DNM3: variants seen among roughly 807,000 people sequenced by gnomAD.
The protein encoded by DNM3 is dynamin 3.
In DNM3, 47 loss-of-function variants were observed where a neutral mutation model predicts 101.6. The observed-to-expected ratio is 0.46, with a 90% confidence interval of 0.37 to 0.59. DNM3 has a LOEUF of 0.59. Ranked by LOEUF, DNM3 falls within the 20% of genes least tolerant of loss-of-function variation. The pLI, the probability that DNM3 is intolerant of heterozygous loss-of-function variation, is 0.00. For synonymous variants in DNM3, 385 were observed against 387.9 expected (o/e 0.99, Z 0.09); for missense variants, 849 against 1,085.7 (o/e 0.78, Z 3.06).
intron 1 of DNM3, among the ~76,000 whole-genome samples, chr1:171,871,051 A>C (rs1409801183): frequency 1.3e-5 from 2 of 152,234 alleles, no homozygotes; most frequent in Non-Finnish European, 2.9e-5. Flanking sequence ...TGTGCTAAAG[A>C]GGCAAGATTC....
chr1:172,253,872 T>C (rs1487233317), intron 15 of DNM3, among the ~76,000 whole-genome samples, 190 bp downstream of exon 15: 5 of 152,138 alleles, frequency 3.3e-5, no homozygotes, highest in African/African-American at 4.8e-5. Context: ...AAACTCAGAC[T>C]AAAAAAGATC....
chr1:171,992,444 G>A (rs1446082241), intron 4 of DNM3, among the ~76,000 whole-genome samples: 1 of 152,004 alleles, frequency 6.6e-6, no homozygotes, highest in Non-Finnish European at 1.5e-5. Flanking sequence ...TGTCAGTCAG[G>A]AGTATGTCAT....
At chr1:172,018,698 G>A (rs2047616577) in intron 4 of DNM3, among the ~76,000 whole-genome samples, 1 of 152,062 alleles carries the variant, frequency 6.6e-6, no homozygotes, top group Non-Finnish European at 1.5e-5. Context: ...TTACATATAA[G>A]CATATGAATA....
chr1:172,197,227 G>A (rs1311107962), intron 14 of DNM3, among the ~76,000 whole-genome samples: 1 of 151,978 alleles, frequency 6.6e-6, no homozygotes, highest in Non-Finnish European at 1.5e-5. Context: ...TAGATGTGTA[G>A]CCTTATTTCC....
chr1:171,972,078 T>C (rs2044034218), intron 2 of DNM3, among the ~76,000 whole-genome samples: 1 of 152,236 alleles, frequency 6.6e-6, no homozygotes, highest in Non-Finnish European at 1.5e-5. Flanking sequence ...CTTGGAATCA[T>C]TCATTCATTT....
intron 2 of DNM3, among the ~76,000 whole-genome samples, chr1:171,961,497 A>G (rs1212185209): frequency 6.6e-6 from 1 of 152,200 alleles, no homozygotes; most frequent in African/African-American, 2.4e-5. Context: ...CATTATTGGT[A>G]GGAATGGAAA....
At chr1:172,169,996 T>G (rs2058892060) in intron 14 of DNM3, among the ~76,000 whole-genome samples, 1 of 151,874 alleles carries the variant, frequency 6.6e-6, no homozygotes, top group Non-Finnish European at 1.5e-5. Flanking sequence ...GTTTATAAAC[T>G]TAGTTGCATT....
intron 14 of DNM3, among the ~76,000 whole-genome samples, chr1:172,230,037 C>A (rs1178460370): frequency 6.6e-6 from 1 of 152,112 alleles, no homozygotes; most frequent in Non-Finnish European, 1.5e-5. Context: ...TTTTTTAATT[C>A]TTTCACTAGG....
At position 172,308,767 on chromosome 1, in the gene DNM3, T is replaced by C. The variant is rs1213456590; in HGVS notation, c.1809T>C (p.Cys603=). 2 of 1,609,230 alleles carry C rather than the reference T, an allele frequency of 1.2e-6. No individual in the cohort carries two copies. Among genetic ancestry groups the C allele is most frequent in the Non-Finnish European group, 1.7e-6 (2 of 1,178,086 alleles). Residue 603 remains cysteine, a synonymous_variant, in exon 16 of 21, where the codon TGT becomes TGC. Transcript: ENST00000627582. ...YKDYRFLELA[C]DSQEDVDSWK... ...ACTATCGCTTCCTTGAGCTGGCATG[T>C]GATTCCCAGGAGGATGTCGACAGCT...
At chr1:171,971,102 T>G (rs2043960354) in intron 2 of DNM3, among the ~76,000 whole-genome samples, 1 of 152,120 alleles carries the variant, frequency 6.6e-6, no homozygotes, top group Non-Finnish European at 1.5e-5. Flanking sequence ...CACTTCTTCA[T>G]AAATGCTTTA....
chr1:172,129,701 T>TTCCCCCATAATTCAGTTACC (rs1377080691), intron 13 of DNM3, among the ~76,000 whole-genome samples: 46 of 152,268 alleles, frequency 3.0e-4, no homozygotes, highest in African/African-American at 1.0e-3. Context: ...AGGAAAGATC[T>TTCCCCCATAATTCAGTTACC]TCCCCCATAA....
chr1:171,951,528 G>A (rs2125455959), intron 2 of DNM3, among the ~76,000 whole-genome samples: 1 of 152,218 alleles, frequency 6.6e-6, no homozygotes, highest in Non-Finnish European at 1.5e-5. Context: ...GTTTTCTCTA[G>A]TGGTCAATGA....
chr1:171,947,494 C>A (rs1175014818), intron 2 of DNM3, among the ~76,000 whole-genome samples: 1 of 151,646 alleles, frequency 6.6e-6, no homozygotes, highest in Non-Finnish European at 1.5e-5. Flanking sequence ...TCATAACAGC[C>A]TGAAAAAATC....
At chr1:172,084,746 C>T (rs975586317) in intron 12 of DNM3, among the ~76,000 whole-genome samples, 11 of 151,956 alleles carry the variant, frequency 7.2e-5, no homozygotes, top group African/African-American at 2.7e-4. Flanking sequence ...AAATTAAGGT[C>T]TGGGGTTGAA....
chr1:172,149,671 T>A (rs1447042223), intron 14 of DNM3, among the ~76,000 whole-genome samples: 1 of 152,158 alleles, frequency 6.6e-6, no homozygotes, highest in Non-Finnish European at 1.5e-5. Flanking sequence ...AATCATGGTG[T>A]CCTCAGGTCA....
At chr1:172,046,828 G>A (rs1014332191) in intron 9 of DNM3, among the ~76,000 whole-genome samples, 3 of 152,152 alleles carry the variant, frequency 2.0e-5, no homozygotes, top group Admixed American at 2.0e-4. Context: ...GATAAATGCA[G>A]TGGAACCAAA....
At chr1:171,879,793 T>A (rs1258755457) in intron 1 of DNM3, among the ~76,000 whole-genome samples, 2 of 152,242 alleles carry the variant, frequency 1.3e-5, no homozygotes, top group Non-Finnish European at 2.9e-5. Flanking sequence ...TTCTGGGATA[T>A]TCTACTTTAG....
chr1:172,157,084 T>A (rs1277735212), intron 14 of DNM3, among the ~76,000 whole-genome samples: 1 of 152,112 alleles, frequency 6.6e-6, no homozygotes, highest in Non-Finnish European at 1.5e-5. Context: ...TTTATTTCTA[T>A]TATTATTCCA....
At chr1:172,039,148 C>T (rs2049175904) in intron 7 of DNM3, among the ~76,000 whole-genome samples, 1 of 152,068 alleles carries the variant, frequency 6.6e-6, no homozygotes, top group South Asian at 2.1e-4. Context: ...TCCTTCAAAT[C>T]CTTCTGTCTC....
Sources: allele counts gnomAD v4.1 joint callset (sites outside exome capture counted in the v4.1 genomes callset), GRCh38; gene constraint gnomAD v4.1.1; transcripts MANE v1.5; gene names NCBI Gene and HGNC (gene_info 2026-07-23, HGNC 2026-07-21).